Variants in VSTM4 observed in about 807,000 individuals in gnomAD.
VSTM4 encodes V-set and transmembrane domain-containing protein 4.
Under a neutral mutation model 36.4 loss-of-function variants are expected in VSTM4, and 20 were observed. That is an observed-to-expected ratio of 0.55 (90% CI 0.39 to 0.80). The LOEUF (loss-of-function observed/expected upper bound fraction) is 0.80, where lower values mean the gene tolerates loss of function less well. Among genes scored for constraint, VSTM4 ranks in the 30% least tolerant of loss-of-function variants. The pLI is 0.00. For missense variants in VSTM4, 392 were observed against 404.5 expected (o/e 0.97, Z 0.26); for synonymous variants, 182 against 173.9 (o/e 1.05, Z -0.37).
intron 7 of VSTM4, among the ~76,000 whole-genome samples, chr10:49,034,004 C>A (rs1169694731): frequency 6.6e-6 from 1 of 151,732 alleles, no homozygotes; most frequent in Non-Finnish European, 1.5e-5. Context: ...ATCACCATTA[C>A]CATCATCATC....
intron 7 of VSTM4, among the ~76,000 whole-genome samples, chr10:49,039,748 G>C (rs1288335429): frequency 6.6e-6 from 1 of 152,174 alleles, no homozygotes; most frequent in Non-Finnish European, 1.5e-5. Flanking sequence ...AGTTAATGTT[G>C]AGATGCTGAC....
At chr10:49,113,591 GAC>G (rs1485123600) in intron 1 of VSTM4, among the ~76,000 whole-genome samples, 1 of 152,176 alleles carries the variant, frequency 6.6e-6, no homozygotes, top group African/African-American at 2.4e-5. Flanking sequence ...TTGCTTCAAA[GAC>G]AGCTCAGCCA....
chr10:49,102,678 C>A (rs1350326563), intron 2 of VSTM4: 3 of 985,274 alleles, frequency 3.0e-6, no homozygotes, highest in Non-Finnish European at 3.6e-6. Flanking sequence ...GGTAAGGCAT[C>A]CCAGAGAGGG....
intron 3 of VSTM4, 22 bp from the exon 4 acceptor site, chr10:49,077,348 G>A (rs546461775): frequency 1.4e-5 from 23 of 1,611,846 alleles, no homozygotes; most frequent in African/African-American, 5.3e-5. Context: ...GGACAGACAC[G>A]TGAGTCAGCC....
At position 49,088,591 on chromosome 10, in the gene VSTM4, G is replaced by A. The variant is rs376886103; in HGVS notation, c.458-2568C>T. 4.6e-5 allele frequency among the ~76,000 whole-genome samples: 7 copies of A among 152,338 alleles called. No individual in the cohort carries two copies. The East Asian group carries it at 9.7e-4, about 21-fold the overall frequency. On this transcript the variant is annotated intron_variant, in intron 2 of 7. Transcript: ENST00000332853. ...GGAAAACAAGTGAGCAGAATGGAGCGGAGCCTAGAACCTGCATAGCAGAGG... is the reference window on the plus strand; with the variant it reads ...GGAAAACAAGTGAGCAGAATGGAGCAGAGCCTAGAACCTGCATAGCAGAGG...
intron 6 of VSTM4, among the ~76,000 whole-genome samples, chr10:49,047,410 T>C (rs1188705777): frequency 6.6e-6 from 1 of 152,086 alleles, no homozygotes; most frequent in Non-Finnish European, 1.5e-5. Flanking sequence ...CTCTTGAACC[T>C]CACAGCAGCC....
chr10:49,057,708 T>G (rs906944619), intron 5 of VSTM4, among the ~76,000 whole-genome samples: 6 of 152,056 alleles, frequency 3.9e-5, no homozygotes, highest in Admixed American at 3.3e-4. Flanking sequence ...CGTGGGAGCA[T>G]GGGAGGGAGG....
chr10:49,080,385 C>T (rs971481888), intron 3 of VSTM4, among the ~76,000 whole-genome samples: 2 of 152,232 alleles, frequency 1.3e-5, no homozygotes, highest in South Asian at 2.1e-4. Flanking sequence ...ACTCTCCCCT[C>T]CCTGGCCTAG....
chr10:49,021,929 A>G (rs1843187426), intron 7 of VSTM4, among the ~76,000 whole-genome samples: 1 of 152,142 alleles, frequency 6.6e-6, no homozygotes, highest in Non-Finnish European at 1.5e-5. Context: ...TATGTAAGTA[A>G]ATATGTGGGT....
At chr10:49,020,880 T>C (rs1453094242) in intron 7 of VSTM4, among the ~76,000 whole-genome samples, 1 of 152,020 alleles carries the variant, frequency 6.6e-6, no homozygotes. Context: ...AGATAGATAA[T>C]CATATTCAAG....
At chr10:49,034,008 C>T (rs1184610661) in intron 7 of VSTM4, among the ~76,000 whole-genome samples, 1 of 152,010 alleles carries the variant, frequency 6.6e-6, no homozygotes. Context: ...CCATTACCAT[C>T]ATCATCACCA....
intron 2 of VSTM4, among the ~76,000 whole-genome samples, chr10:49,101,997 G>A (rs1049295164): frequency 3.2e-4 from 48 of 152,166 alleles, no homozygotes; most frequent in Non-Finnish European, 3.5e-4. Context: ...GTTTGTGTGT[G>A]TGTATGAATG....
At chr10:49,076,268 G>T (rs760771770) in intron 4 of VSTM4, among the ~76,000 whole-genome samples, 3 of 152,194 alleles carry the variant, frequency 2.0e-5, no homozygotes, top group Admixed American at 6.5e-5. Context: ...CAACATAAAA[G>T]CAGGACATTC....
chr10:49,113,967 T>C (rs1255897064), intron 1 of VSTM4, among the ~76,000 whole-genome samples: 1 of 152,106 alleles, frequency 6.6e-6, no homozygotes, highest in Non-Finnish European at 1.5e-5. Flanking sequence ...AATGTGAGAA[T>C]GCCCTTGATC....
rs552601162 is a variant in VSTM4, at chr10:49,068,902, C to A, written c.635-4166G>T. 4.7e-4 allele frequency among the ~76,000 whole-genome samples: 71 copies of A among 152,302 alleles called. 1 individual carries two copies. The South Asian group carries it at 6.6e-3, about 14-fold the overall frequency. On this transcript the variant is annotated intron_variant, in intron 4 of 7. Transcript: ENST00000332853. Reference sequence around the variant, plus strand: ...ACCGTCCTGCACAGAGGTGAACATTCAGGACGTGTTCTCAAATGGTTATTT... The same window carrying A: ...ACCGTCCTGCACAGAGGTGAACATTAAGGACGTGTTCTCAAATGGTTATTT...
intron 2 of VSTM4, among the ~76,000 whole-genome samples, chr10:49,093,937 TG>T (rs1461407694): frequency 6.6e-6 from 1 of 151,902 alleles, no homozygotes; most frequent in Non-Finnish European, 1.5e-5. Flanking sequence ...TTAGTAGAGA[TG>T]GGGTTTCACC....
At chr10:49,065,798 A>G (rs1232645052) in intron 4 of VSTM4, among the ~76,000 whole-genome samples, 1 of 152,170 alleles carries the variant, frequency 6.6e-6, no homozygotes, top group Admixed American at 6.6e-5. Flanking sequence ...GCTGTTACAT[A>G]TGGGGTGATC....
chr10:49,069,609 G>C (rs1046343307), intron 4 of VSTM4, among the ~76,000 whole-genome samples: 4 of 152,154 alleles, frequency 2.6e-5, no homozygotes, highest in African/African-American at 9.7e-5. Context: ...ACACAGCCCT[G>C]TTTCCACCAT....
rs1349143963 is a variant in VSTM4, at chr10:49,017,119, G to A, written c.*2531C>T. ...CCTAATTTCTATTTCAATGATATGT[G>A]ATATGTTTCCCCTTATCTTTGGAAA... On this transcript the variant is annotated 3_prime_UTR_variant, in exon 8 of 8. Coordinates refer to ENST00000332853, the MANE Select transcript of VSTM4 (RefSeq NM_001031746.5). The A allele has an allele frequency of 6.6e-6, 1 of 152,228 alleles. No individual in the cohort carries two copies. The highest frequency in any genetic ancestry group is 1.5e-5 in the Non-Finnish European group (1 of 68,034). The allele number at this position is 152,228 out of a possible 1,614,324, so 9.4% of individuals were successfully genotyped here. A position where few individuals can be genotyped will look rare whatever the true frequency, so the allele number is the denominator to read the frequency against.
Sources: gnomAD v4.1 joint callset for allele counts (sites outside exome capture counted in the v4.1 genomes callset) on GRCh38, gnomAD v4.1.1 for gene constraint, MANE v1.5 for transcripts, NCBI Gene and HGNC (gene_info 2026-07-23, HGNC 2026-07-21) for gene names.